Variants in FBXO28 observed in about 807,000 individuals in gnomAD.
FBXO28 encodes the protein F-box protein 28.
Under a neutral mutation model 38.1 loss-of-function variants are expected in FBXO28, and 8 were observed. The ratio of observed to expected loss-of-function variants is 0.21; its 90% CI spans 0.12 to 0.38. FBXO28 has a LOEUF of 0.38. FBXO28 is among the 10% of genes least tolerant of loss of function. The probability of loss-of-function intolerance (pLI) is 1.00; values close to 1 mark genes in which losing one functional copy is unlikely to be tolerated. For synonymous variants in FBXO28, 168 were observed against 173.8 expected, an observed-to-expected ratio of 0.97 and a Z score of 0.26; for missense variants, 345 against 460.6, an observed-to-expected ratio of 0.75 and a Z score of 2.30.
intron 3 of FBXO28, among the ~76,000 whole-genome samples, chr1:224,139,515 G>A (rs796560060): frequency 8.6e-5 from 13 of 151,840 alleles, no homozygotes; most frequent in South Asian, 4.1e-4. Context: ...AGGCCAAGGC[G>A]GGCAGATCAC....
Position 224,157,988 on chromosome 1 carries a change from G to T in FBXO28, c.*242G>T, listed in dbSNP as rs1558199392. 1 of 1,261,532 alleles carries T rather than the reference G, an allele frequency of 7.9e-7. No homozygotes were observed. Among genetic ancestry groups the T allele is most frequent in the Non-Finnish European group, 9.9e-7 (1 of 1,005,030 alleles). 78.1% of individuals were successfully genotyped at this position (1,261,532 alleles called of 1,614,324 possible). ...CCAGACCTGTTCTATCATGTTTTGA[G>T]GAGTTAACTTTTTTCTGTGCAGATA... On this transcript the variant is annotated 3_prime_UTR_variant, in exon 5 of 5. Coordinates refer to ENST00000366862, the MANE Select transcript of FBXO28 (RefSeq NM_015176.4).
chr1:224,135,611 C>CAAAAAAAAAAAAAAAAA, intron 3 of FBXO28, among the ~76,000 whole-genome samples: 1 of 110,784 alleles, frequency 9.0e-6, no homozygotes, highest in Non-Finnish European at 1.8e-5. Context: ...GACTCTGTCT[C>CAAAAAAAAAAAAAAAAA]AAAAAAAAAA....
chr1:224,154,363 T>C (rs1440212148), intron 4 of FBXO28, among the ~76,000 whole-genome samples: 1 of 152,194 alleles, frequency 6.6e-6, no homozygotes, highest in Non-Finnish European at 1.5e-5. Flanking sequence ...TTCCATACCA[T>C]TGTAAAGTCA....
At chr1:224,132,736 C>T (rs1165733335) in intron 2 of FBXO28, among the ~76,000 whole-genome samples, 4 of 150,428 alleles carry the variant, frequency 2.7e-5, no homozygotes, top group Non-Finnish European at 5.9e-5. Context: ...ACCTGGGAGA[C>T]GGAGGTTGCA....
intron 2 of FBXO28, among the ~76,000 whole-genome samples, chr1:224,132,802 C>CAA (rs35539044): frequency 4.6e-5 from 6 of 129,728 alleles, no homozygotes; most frequent in Admixed American, 3.2e-4. Flanking sequence ...GAGCCCGTCT[C>CAA]AAAAAAAAAA....
chr1:224,127,196 G>GTA (rs1656925927), intron 1 of FBXO28, among the ~76,000 whole-genome samples: 1 of 151,542 alleles, frequency 6.6e-6, no homozygotes, highest in Admixed American at 6.6e-5. Context: ...GTGTGTGTGT[G>GTA]TGTGTGTGTG....
At chr1:224,123,996 A>G (rs762418836) in intron 1 of FBXO28, among the ~76,000 whole-genome samples, 1 of 152,116 alleles carries the variant, frequency 6.6e-6, no homozygotes, top group Non-Finnish European at 1.5e-5. Context: ...TATAATGCCA[A>G]CTACTTGGGA....
intron 4 of FBXO28, among the ~76,000 whole-genome samples, chr1:224,154,209 T>TCC (rs1657714094): frequency 6.6e-6 from 1 of 152,214 alleles, no homozygotes; most frequent in Non-Finnish European, 1.5e-5. Flanking sequence ...TAGCTTACAG[T>TCC]TGGGCAAAAT....
chr1:224,133,821 T>C (rs1041768649), intron 2 of FBXO28, among the ~76,000 whole-genome samples: 1 of 63,380 alleles, frequency 1.6e-5, no homozygotes, highest in African/African-American at 6.0e-5. Flanking sequence ...CCAAAAAACC[T>C]AATTAAAATA....
rs892152639 is a variant in FBXO28, at chr1:224,158,464, G to C, written c.*718G>C. 1.3e-5 allele frequency: 2 copies of C among 153,738 alleles called. No individual in the cohort carries two copies. The highest frequency in any genetic ancestry group is 4.8e-5 in the African/African-American group (2 of 41,444). The allele number at this position is 153,738 out of a possible 1,614,324, so 9.5% of individuals were successfully genotyped here. A position where few individuals can be genotyped will look rare whatever the true frequency, so the allele number is the denominator to read the frequency against. ...CTTAAAAAGCTCTTGCACTGGTATT[G>C]ATCTTGAACCTCTATACTTCTCCAC... On this transcript the variant is annotated 3_prime_UTR_variant, in exon 5 of 5. Coordinates refer to ENST00000366862, the MANE Select transcript of FBXO28 (RefSeq NM_015176.4).
In FBXO28 at chr1:224,157,926, C is replaced by T; in HGVS notation, c.*180C>T. ...CCTGCTTCTCCTGATTGAACTGATG[C>T]ACAGAATCTTTTTACTTTGCAATAG... On this transcript the variant is annotated 3_prime_UTR_variant, in exon 5 of 5. Coordinates refer to ENST00000366862, the MANE Select transcript of FBXO28 (RefSeq NM_015176.4). The T allele has an allele frequency of 7.1e-7, 1 of 1,408,064 alleles. No individual in the cohort carries two copies. Among genetic ancestry groups the T allele is most frequent in the Non-Finnish European group, 9.2e-7 (1 of 1,088,196 alleles). 87.2% of individuals were successfully genotyped at this position (1,408,064 alleles called of 1,614,324 possible).
chr1:224,130,871 G>A (rs1042877730), intron 2 of FBXO28: 1 of 246,422 alleles, frequency 4.1e-6, no homozygotes, highest in Non-Finnish European at 7.9e-6. Flanking sequence ...TTGTGGATAA[G>A]GAGTGCACTA....
intron 3 of FBXO28, among the ~76,000 whole-genome samples, chr1:224,150,315 C>T (rs7546235): frequency 0.41 from 62,876 of 151,888 alleles, 13,255 homozygotes; most frequent in East Asian, 0.57. Flanking sequence ...AGCGAAGCTC[C>T]GTCTGAAAAA....
intron 1 of FBXO28, among the ~76,000 whole-genome samples, chr1:224,122,235 A>T (rs1656796253): frequency 6.6e-6 from 1 of 151,884 alleles, no homozygotes; most frequent in African/African-American, 2.4e-5. Context: ...TTTTTAAATG[A>T]TTTTTTCGTC....
chr1:224,134,418 A>G, intron 3 of FBXO28: 1 of 439,724 alleles, frequency 2.3e-6, no homozygotes, highest in Non-Finnish European at 3.9e-6. Context: ...AATAGTCGAA[A>G]CCCTAATATT....
At chr1:224,117,938 T>C (rs1656679334) in intron 1 of FBXO28, among the ~76,000 whole-genome samples, 1 of 152,120 alleles carries the variant, frequency 6.6e-6, no homozygotes, top group Non-Finnish European at 1.5e-5. Flanking sequence ...AACTTTGGCT[T>C]ATGAGCATTA....
In FBXO28 at chr1:224,162,014, A is replaced by T. The variant is rs1657920146; in HGVS notation, c.*4268A>T. The T allele has an allele frequency of 6.6e-6, 1 of 152,234 alleles. No individual in the cohort carries two copies. Among genetic ancestry groups the T allele is most frequent in the African/African-American group, 2.4e-5 (1 of 41,464 alleles). 9.4% of individuals were successfully genotyped at this position (152,234 alleles called of 1,614,324 possible). On this transcript the variant is annotated 3_prime_UTR_variant, in exon 5 of 5. Coordinates refer to ENST00000366862, the MANE Select transcript of FBXO28 (RefSeq NM_015176.4). ...GTGAAAAACACCTCCCGGTCACACA[A>T]CAGGGTACGTAAATAAATGTGTTGT...
At chr1:224,123,946 TAA>T (rs35050661) in intron 1 of FBXO28, among the ~76,000 whole-genome samples, 1 of 146,766 alleles carries the variant, frequency 6.8e-6, no homozygotes, top group Non-Finnish European at 1.5e-5. Context: ...CTGTCTCTAC[TAA>T]AAACACAAAA....
intron 3 of FBXO28, among the ~76,000 whole-genome samples, chr1:224,141,500 G>A (rs531870177): frequency 4.8e-4 from 73 of 151,402 alleles, no homozygotes; most frequent in African/African-American, 1.6e-3. Context: ...GCAATCATGC[G>A]TCATTTAGCA....
Sources: gnomAD v4.1 joint callset for allele counts (sites outside exome capture counted in the v4.1 genomes callset) on GRCh38, gnomAD v4.1.1 for gene constraint, MANE v1.5 for transcripts, NCBI Gene and HGNC (gene_info 2026-07-23, HGNC 2026-07-21) for gene names.